Variants in TANGO6 observed in about 807,000 individuals in gnomAD.
The protein encoded by TANGO6 is transport and Golgi organization protein 6 homolog.
A neutral mutation model predicts 114.2 loss-of-function variants in TANGO6; 90 were observed. The ratio of observed to expected loss-of-function variants is 0.79; its 90% CI spans 0.66 to 0.94. The LOEUF (loss-of-function observed/expected upper bound fraction) is 0.94. TANGO6 is among the 40% of genes least tolerant of loss of function. The pLI, the probability that TANGO6 is intolerant of heterozygous loss-of-function variation, is 0.00. For synonymous variants in TANGO6, 477 were observed against 509.8 expected, an observed-to-expected ratio of 0.94 and a Z score of 0.87; for missense variants, 1,274 against 1,315.3, an observed-to-expected ratio of 0.97 and a Z score of 0.49.
intron 17 of TANGO6, among the ~76,000 whole-genome samples, chr16:69,057,868 T>C (rs922039604): frequency 2.6e-5 from 4 of 152,230 alleles, no homozygotes; most frequent in African/African-American, 7.2e-5. Context: ...TCTTTACCCT[T>C]CCTCATGCTC....
chr16:68,958,183 A>AT (rs1490418103), intron 14 of TANGO6, among the ~76,000 whole-genome samples: 1 of 151,294 alleles, frequency 6.6e-6, no homozygotes. Context: ...AAAAAAAAAA[A>AT]CAAATTAAAT....
intron 10 of TANGO6, 92 bp from the exon 11 acceptor site, chr16:68,909,119 A>G (rs1962889088): frequency 9.5e-7 from 1 of 1,054,064 alleles, no homozygotes; most frequent in South Asian, 3.9e-5. Flanking sequence ...TTATTTAAAC[A>G]TGCAGTTCAA....
intron 10 of TANGO6, among the ~76,000 whole-genome samples, chr16:68,908,709 A>G (rs868062879): frequency 4.6e-5 from 7 of 152,154 alleles, no homozygotes; most frequent in African/African-American, 1.4e-4. Context: ...CTTAGAGGAA[A>G]AGAGCTGTAG....
intron 17 of TANGO6, among the ~76,000 whole-genome samples, chr16:69,057,252 T>C (rs893980876): frequency 6.6e-6 from 1 of 152,130 alleles, no homozygotes; most frequent in Admixed American, 6.6e-5. Context: ...ATGGTAGTTG[T>C]GTTTCTGAAA....
At chr16:69,009,214 T>C (rs251104) in intron 15 of TANGO6, among the ~76,000 whole-genome samples, 58,304 of 150,880 alleles carry the variant, frequency 0.39, 13,056 homozygotes, top group East Asian at 0.54. Context: ...CCCAAATAGC[T>C]GGGATTACAG....
intron 15 of TANGO6, among the ~76,000 whole-genome samples, chr16:69,001,734 C>G (rs1438052904): frequency 6.6e-6 from 1 of 152,178 alleles, no homozygotes; most frequent in Non-Finnish European, 1.5e-5. Flanking sequence ...AATGCTTTTA[C>G]CATGCATTTC....
chr16:68,970,883 C>A (rs1216415452), intron 14 of TANGO6, among the ~76,000 whole-genome samples: 1 of 152,040 alleles, frequency 6.6e-6, no homozygotes, highest in South Asian at 2.1e-4. Flanking sequence ...ATGGGCCGGG[C>A]GCAGTGGCTC....
chr16:68,979,972 T>C (rs755535220), intron 15 of TANGO6, among the ~76,000 whole-genome samples: 1 of 151,740 alleles, frequency 6.6e-6, no homozygotes, highest in Non-Finnish European at 1.5e-5. Flanking sequence ...GCCTCCTGAG[T>C]AGCTGGGACT....
intron 17 of TANGO6, among the ~76,000 whole-genome samples, chr16:69,067,651 C>G (rs1239958146): frequency 6.7e-6 from 1 of 148,898 alleles, no homozygotes; most frequent in Non-Finnish European, 1.5e-5. Flanking sequence ...AACCCTGTCT[C>G]TACTGGCCGG....
chr16:68,862,805 C>T, intron 2 of TANGO6, 140 bp from the exon 3 acceptor site: 1 of 683,726 alleles, frequency 1.5e-6, no homozygotes, highest in Non-Finnish European at 2.6e-6. Flanking sequence ...CAGCTTCCCC[C>T]ATGTGGAAGG....
intron 17 of TANGO6, among the ~76,000 whole-genome samples, chr16:69,078,586 G>A (rs1960422214): frequency 6.6e-6 from 1 of 152,014 alleles, no homozygotes; most frequent in East Asian, 1.9e-4. Context: ...GTTCTATTCT[G>A]TATTGTCTGT....
At chr16:68,956,370 A>G (rs1269594603) in intron 14 of TANGO6, among the ~76,000 whole-genome samples, 2 of 152,166 alleles carry the variant, frequency 1.3e-5, no homozygotes, top group Non-Finnish European at 2.9e-5. Flanking sequence ...TTGAAGGGCA[A>G]CATTGCAGAA....
At chr16:68,990,951 C>A (rs1279376182) in intron 15 of TANGO6, among the ~76,000 whole-genome samples, 1 of 152,024 alleles carries the variant, frequency 6.6e-6, no homozygotes, top group Non-Finnish European at 1.5e-5. Flanking sequence ...AGCAGAGAGA[C>A]CTATTAGGAT....
chr16:68,864,305 G>A (rs1264029383), intron 3 of TANGO6, among the ~76,000 whole-genome samples: 1 of 152,162 alleles, frequency 6.6e-6, no homozygotes, highest in Non-Finnish European at 1.5e-5. Context: ...CAGGCACTGT[G>A]GCTCACACCT....
At chr16:68,948,645 T>C (rs1238277214) in intron 14 of TANGO6, among the ~76,000 whole-genome samples, 1 of 152,190 alleles carries the variant, frequency 6.6e-6, no homozygotes, top group African/African-American at 2.4e-5. Context: ...ATATCAACCC[T>C]GTTTATAACT....
intron 1 of TANGO6, among the ~76,000 whole-genome samples, chr16:68,844,892 C>G (rs1235646991): frequency 6.6e-6 from 1 of 151,632 alleles, no homozygotes; most frequent in African/African-American, 2.4e-5. Context: ...GCTACATTGT[C>G]TCAATTAAGA....
chr16:69,051,278 C>T (rs916721197), intron 17 of TANGO6, among the ~76,000 whole-genome samples: 3 of 152,068 alleles, frequency 2.0e-5, no homozygotes, highest in East Asian at 1.9e-4. Context: ...CGGTGGCTCA[C>T]GCCTGTAATC....
chr16:68,859,648 A>G (rs1207462796), intron 1 of TANGO6, among the ~76,000 whole-genome samples: 1 of 152,236 alleles, frequency 6.6e-6, no homozygotes, highest in Non-Finnish European at 1.5e-5. Flanking sequence ...AACAAACTAG[A>G]TGAACTGTAA....
At position 69,066,356 on chromosome 16, in the gene TANGO6, G is replaced by A. The variant is rs200513710; in HGVS notation, c.3109-17129G>A. ...GTTGCCCAGGTTGGAGTGCAATGGC[G>A]TGATCTTGGCTCGCTGCAACCTCTG... On this transcript the variant is annotated intron_variant, in intron 17 of 17. Transcript: ENST00000261778. Among the ~76,000 whole-genome samples the A allele has an allele frequency of 4.6e-4, 70 of 152,124 alleles. 1 individual carries two copies. Among genetic ancestry groups the A allele is most frequent in the East Asian group, 4.4e-3 (23 of 5,170 alleles).
Sources: allele counts gnomAD v4.1 joint callset (sites outside exome capture counted in the v4.1 genomes callset), GRCh38; gene constraint gnomAD v4.1.1; transcripts MANE v1.5; gene names NCBI Gene and HGNC (gene_info 2026-07-23, HGNC 2026-07-21).